The following CCSER1 variants were observed in gnomAD, a reference collection of about 807,000 sequenced individuals.
The protein encoded by CCSER1 is coiled-coil serine rich protein 1.
CCSER1 carries 41 observed loss-of-function variants against 82.0 expected under a neutral mutation model. The observed-to-expected ratio is 0.50, with a 90% CI of 0.39 to 0.65. The LOEUF is 0.65. Ranked by LOEUF, CCSER1 falls within the 30% of genes least tolerant of loss-of-function variation. The pLI, the probability that CCSER1 is intolerant of heterozygous loss-of-function variation, is 0.00. For missense variants in CCSER1, 1,119 were observed against 1,064.2 expected (o/e 1.05, Z -0.72); for synonymous variants, 414 against 383.9 (o/e 1.08, Z -0.92).
intron 4 of CCSER1, among the ~76,000 whole-genome samples, chr4:90,455,350 C>T (rs1037085585): frequency 2.0e-5 from 3 of 152,154 alleles, no homozygotes; most frequent in Admixed American, 2.0e-4. Context: ...ATTCAAGATA[C>T]ACTCTAGAGG....
chr4:91,556,984 A>G (rs1762435765), intron 10 of CCSER1, among the ~76,000 whole-genome samples: 1 of 151,088 alleles, frequency 6.6e-6, no homozygotes, highest in Admixed American at 6.6e-5. Context: ...ACATTTTTAT[A>G]AATAGTTTTC....
chr4:90,545,052 T>C lies in CCSER1; in HGVS notation c.1724+76698T>C, dbSNP rs1337203999. Among the ~76,000 whole-genome samples, 6 of 152,274 alleles carry C rather than the reference T, an allele frequency of 3.9e-5. No individual in the cohort carries two copies. The East Asian group carries it at 1.2e-3, about 29-fold the overall frequency. On this transcript the variant is annotated intron_variant, in intron 5 of 10. Coordinates refer to ENST00000509176, the MANE Select transcript of CCSER1 (RefSeq NM_001145065.2). ...GAAAAGCCTGCCAACAATTAGCTAG[T>C]GCTTTGCATTTGATAAAACTCATCT...
intron 10 of CCSER1, among the ~76,000 whole-genome samples, chr4:91,305,741 A>G (rs2149245875): frequency 6.6e-6 from 1 of 151,776 alleles, no homozygotes; most frequent in Non-Finnish European, 1.5e-5. Context: ...GGTAATTTAT[A>G]AAGAAAAAGA....
At chr4:90,343,171 A>G (rs1445839318) in intron 3 of CCSER1, among the ~76,000 whole-genome samples, 1 of 151,958 alleles carries the variant, frequency 6.6e-6, no homozygotes, top group African/African-American at 2.4e-5. Context: ...TTTCTCTTCT[A>G]TTTTTTGGGG....
rs149026723 is a variant in CCSER1 at position 91,234,794 on chromosome 4, A to G, written c.2217+148800A>G. On this transcript the variant is annotated intron_variant, in intron 10 of 10. Coordinates refer to ENST00000509176, the MANE Select transcript of CCSER1 (RefSeq NM_001145065.2). ...CCTGGGGTTCTTCCTTTATAAATCT[A>G]CATGTTCCCATTTCTTTGACTATGC... Among the ~76,000 whole-genome samples the G allele has an allele frequency of 1.9e-3, 284 of 152,232 alleles. 1 individual carries two copies. Among genetic ancestry groups the G allele is most frequent in the Non-Finnish European group, 2.7e-3 (182 of 67,930 alleles).
chr4:90,150,806 A>G (rs375788500), intron 1 of CCSER1, among the ~76,000 whole-genome samples: 3 of 152,288 alleles, frequency 2.0e-5, no homozygotes, highest in African/African-American at 2.4e-5. Flanking sequence ...TTATATATAG[A>G]TGTCTTTAAT....
intron 10 of CCSER1, among the ~76,000 whole-genome samples, chr4:91,221,224 G>C (rs1247496811): frequency 6.6e-6 from 1 of 151,884 alleles, no homozygotes; most frequent in East Asian, 1.9e-4. Context: ...TCATAACATA[G>C]TTGTTTTCCT....
chr4:90,332,698 A>G (rs1316120422), intron 3 of CCSER1, among the ~76,000 whole-genome samples: 2 of 152,080 alleles, frequency 1.3e-5, no homozygotes, highest in South Asian at 2.1e-4. Flanking sequence ...TATATTATCT[A>G]TATTATTTTT....
chr4:90,605,314 T>G (rs1165097256), intron 5 of CCSER1, among the ~76,000 whole-genome samples: 4 of 152,188 alleles, frequency 2.6e-5, no homozygotes, highest in Non-Finnish European at 5.9e-5. Context: ...GATTGGCACA[T>G]GTTGAATGCT....
At chr4:91,038,182 A>T (rs182148970) in intron 9 of CCSER1, among the ~76,000 whole-genome samples, 3 of 152,342 alleles carry the variant, frequency 2.0e-5, no homozygotes, top group African/African-American at 7.2e-5. Flanking sequence ...GTACATGAGC[A>T]GTAAGTACTG....
intron 9 of CCSER1, among the ~76,000 whole-genome samples, chr4:90,983,125 C>T (rs1365765624): frequency 2.6e-5 from 4 of 151,742 alleles, no homozygotes; most frequent in African/African-American, 9.7e-5. Flanking sequence ...ATCACTATCA[C>T]AACCTTTTAA....
chr4:90,153,492 A>G (rs1188276698), intron 1 of CCSER1, among the ~76,000 whole-genome samples: 1 of 152,136 alleles, frequency 6.6e-6, no homozygotes, highest in Non-Finnish European at 1.5e-5. Flanking sequence ...ACTAGCTTAC[A>G]GTCCCACCAA....
intron 5 of CCSER1, among the ~76,000 whole-genome samples, chr4:90,599,060 T>C (rs1783721594): frequency 6.6e-6 from 1 of 152,112 alleles, no homozygotes; most frequent in South Asian, 2.1e-4. Flanking sequence ...GTGGGCTCCT[T>C]CTCTAGAGTA....
intron 9 of CCSER1, among the ~76,000 whole-genome samples, chr4:90,947,793 T>C (rs1042032017): frequency 2.6e-5 from 4 of 152,140 alleles, no homozygotes; most frequent in Admixed American, 6.6e-5. Context: ...TATAATATCT[T>C]AAATGTGTGA....
intron 5 of CCSER1, among the ~76,000 whole-genome samples, chr4:90,522,830 A>G (rs1329189601): frequency 6.6e-6 from 1 of 152,184 alleles, no homozygotes; most frequent in African/African-American, 2.4e-5. Flanking sequence ...TAAATTCTCT[A>G]TGCATAACAT....
intron 1 of CCSER1, among the ~76,000 whole-genome samples, chr4:90,258,646 A>T (rs897397220): frequency 6.6e-6 from 1 of 151,114 alleles, no homozygotes; most frequent in African/African-American, 2.5e-5. Context: ...AGTCATAATG[A>T]TTTGATTTTC....
In CCSER1 at chr4:90,427,416, G is replaced by A. The variant is rs1578416546; in HGVS notation, c.1603+27287G>A. Among the ~76,000 whole-genome samples, 7 of 151,368 alleles carry A rather than the reference G, an allele frequency of 4.6e-5. No homozygotes were observed. In the South Asian group the frequency reaches 1.5e-3, roughly 32 times the overall value. Reference sequence around the variant, plus strand: ...GAATATAAAATGGAAGGATTTGAAGGAATCTTTTGTTTATATGTTTTTAAA... The same window carrying A: ...GAATATAAAATGGAAGGATTTGAAGAAATCTTTTGTTTATATGTTTTTAAA... On this transcript the variant is annotated intron_variant, in intron 4 of 10. Transcript: ENST00000509176.
At chr4:91,342,026 C>T (rs1462896734) in intron 10 of CCSER1, among the ~76,000 whole-genome samples, 1 of 152,118 alleles carries the variant, frequency 6.6e-6, no homozygotes, top group Admixed American at 6.5e-5. Flanking sequence ...TAAATCTAAT[C>T]AGAGGGTAAA....
At chr4:90,393,940 G>T (rs1416451553) in intron 3 of CCSER1, among the ~76,000 whole-genome samples, 1 of 150,064 alleles carries the variant, frequency 6.7e-6, no homozygotes, top group African/African-American at 2.5e-5. Flanking sequence ...ACCATACTTG[G>T]CTAATTAAAA....
Sources: gnomAD v4.1 joint callset for allele counts (sites outside exome capture counted in the v4.1 genomes callset) on GRCh38, gnomAD v4.1.1 for gene constraint, MANE v1.5 for transcripts, NCBI Gene and HGNC (gene_info 2026-07-23, HGNC 2026-07-21) for gene names.